SND1: variants seen among roughly 807,000 people sequenced by gnomAD.
SND1 encodes the protein staphylococcal nuclease domain-containing protein 1.
A neutral mutation model predicts 121.7 loss-of-function variants in SND1; 38 were observed. That is an observed-to-expected ratio of 0.31 (90% confidence interval 0.24 to 0.41). The LOEUF is 0.41. Ranked by LOEUF, SND1 falls within the 10% of genes least tolerant of loss-of-function variation. SND1 has a pLI of 1.00. For synonymous variants in SND1, 401 were observed against 447.4 expected (o/e 0.90, Z 1.31); for missense variants, 868 against 1,184.6 (o/e 0.73, Z 3.92).
intron 14 of SND1, among the ~76,000 whole-genome samples, chr7:127,928,755 A>T (rs1800901548): frequency 6.6e-6 from 1 of 151,612 alleles, no homozygotes; most frequent in Non-Finnish European, 1.5e-5. Context: ...TGCCCGGCTA[A>T]TTTTTTTCTA....
chr7:127,753,546 T>A (rs991246092), intron 10 of SND1, among the ~76,000 whole-genome samples: 5 of 152,162 alleles, frequency 3.3e-5, no homozygotes, highest in African/African-American at 1.2e-4. Flanking sequence ...TCTGTTCTTA[T>A]GGTTACATAA....
At chr7:127,789,473 G>A (rs1042220995) in intron 10 of SND1, among the ~76,000 whole-genome samples, 4 of 152,154 alleles carry the variant, frequency 2.6e-5, no homozygotes, top group Admixed American at 1.3e-4. Flanking sequence ...TAAAATTAGG[G>A]AATTTCATGT....
chr7:127,880,132 A>G (rs1231085318), intron 12 of SND1, among the ~76,000 whole-genome samples: 5 of 152,226 alleles, frequency 3.3e-5, no homozygotes, highest in East Asian at 1.9e-4. Context: ...AGCGTAGGCT[A>G]TGAATCATCG....
chr7:128,073,835 G>C (rs1012501896), intron 16 of SND1, among the ~76,000 whole-genome samples: 1 of 152,124 alleles, frequency 6.6e-6, no homozygotes, highest in Non-Finnish European at 1.5e-5. Flanking sequence ...CTGGGTCCTC[G>C]GGATGAGACA....
At chr7:127,854,056 A>G (rs868688992) in intron 12 of SND1, among the ~76,000 whole-genome samples, 1 of 152,142 alleles carries the variant, frequency 6.6e-6, no homozygotes, top group African/African-American at 2.4e-5. Context: ...AGGGTTTGCA[A>G]ACTTTCTGAT....
chr7:128,020,985 C>A (rs1328374152), intron 16 of SND1, among the ~76,000 whole-genome samples: 5 of 152,188 alleles, frequency 3.3e-5, no homozygotes, highest in African/African-American at 4.8e-5. Flanking sequence ...CTCCTCATTT[C>A]TAATGAAAAA....
intron 11 of SND1, among the ~76,000 whole-genome samples, chr7:127,831,103 T>C (rs997677471): frequency 6.6e-5 from 10 of 152,274 alleles, no homozygotes; most frequent in African/African-American, 2.4e-4. Flanking sequence ...GACTGTACTG[T>C]GTTGGTTAAG....
intron 14 of SND1, among the ~76,000 whole-genome samples, chr7:127,909,117 C>A (rs1389166397): frequency 1.3e-5 from 2 of 152,126 alleles, no homozygotes; most frequent in African/African-American, 4.8e-5. Context: ...TTGTGTCTGT[C>A]CTCTGTGCAT....
At chr7:128,030,213 A>C (rs1472195919) in intron 16 of SND1, 1 of 1,614,162 alleles carries the variant, frequency 6.2e-7, no homozygotes, top group Non-Finnish European at 8.5e-7. Context: ...CAGGTATTCA[A>C]AGGCCCCGCT....
At chr7:128,001,697 C>G (rs1019088282) in intron 16 of SND1, among the ~76,000 whole-genome samples, 1 of 152,124 alleles carries the variant, frequency 6.6e-6, no homozygotes, top group Non-Finnish European at 1.5e-5. Flanking sequence ...TTTGGGAGGC[C>G]AAGGTGGGCC....
chr7:128,030,270 C>G, intron 16 of SND1: 1 of 1,614,130 alleles, frequency 6.2e-7, no homozygotes, highest in Non-Finnish European at 8.5e-7. Context: ...GGTGTTGAGG[C>G]TGGCCAGGCC....
In SND1 at chr7:127,704,939, CAG is replaced by C; in HGVS notation, c.946_947del (p.Arg316ValfsTer19). The stretch of plus-strand genomic sequence containing the variant: ...CGGGGCGCAGAAAAGCTGAGGGCGG[CAG>C]AGAGGTAAGGTCTGTCCAAGAGGCC... On this transcript the variant is annotated frameshift_variant, in exon 8 of 24. Coordinates refer to ENST00000354725, the MANE Select transcript of SND1 (RefSeq NM_014390.4). LOFTEE classifies it high-confidence loss of function. 1 of 1,613,772 alleles carries C rather than the reference CAG, an allele frequency of 6.2e-7. No homozygotes were observed. The highest frequency in any genetic ancestry group is 8.5e-7 in the Non-Finnish European group (1 of 1,179,712).
intron 12 of SND1, among the ~76,000 whole-genome samples, chr7:127,845,238 C>G (rs1799037428): frequency 6.6e-6 from 1 of 152,206 alleles, no homozygotes; most frequent in African/African-American, 2.4e-5. Context: ...TATTGCAGGC[C>G]TCTGAAAGGA....
chr7:128,080,402 G>A lies in SND1; in HGVS notation c.1969-958G>A, dbSNP rs566156637. On this transcript the variant is annotated intron_variant, in intron 17 of 23. Coordinates refer to ENST00000354725, the MANE Select transcript of SND1 (RefSeq NM_014390.4). Reference sequence around the variant, plus strand: ...GAAGGAAGGGAGAGAGGGAAGGGTGGAGAGCGCATGGCCCAGCTTCTGGGC... The same window carrying A: ...GAAGGAAGGGAGAGAGGGAAGGGTGAAGAGCGCATGGCCCAGCTTCTGGGC... Among the ~76,000 whole-genome samples the A allele has an allele frequency of 3.3e-5, 5 of 152,382 alleles. No homozygotes were observed. In the East Asian group the frequency reaches 9.6e-4, roughly 29 times the overall value.
chr7:127,969,295 C>T (rs149424790), intron 15 of SND1, among the ~76,000 whole-genome samples: 206 of 152,260 alleles, frequency 1.4e-3, no homozygotes, highest in African/African-American at 4.3e-3. Context: ...AACCAGCTAG[C>T]CCGCTTTCTG....
chr7:128,075,780 T>C (rs1686435780), intron 17 of SND1, among the ~76,000 whole-genome samples: 1 of 152,148 alleles, frequency 6.6e-6, no homozygotes, highest in Non-Finnish European at 1.5e-5. Flanking sequence ...TCAGAGGAGA[T>C]TCCCACCTCC....
At chr7:128,000,687 A>AT (rs1188466595) in intron 16 of SND1, among the ~76,000 whole-genome samples, 1 of 152,120 alleles carries the variant, frequency 6.6e-6, no homozygotes, top group Non-Finnish European at 1.5e-5. Flanking sequence ...TTAATGTGGT[A>AT]TGTTTGGAGT....
At chr7:127,911,146 C>G (rs1800444276) in intron 14 of SND1, among the ~76,000 whole-genome samples, 1 of 152,240 alleles carries the variant, frequency 6.6e-6, no homozygotes, top group Middle Eastern at 3.4e-3. Flanking sequence ...AGCTATTGCT[C>G]TATTTCTTTC....
intron 10 of SND1, among the ~76,000 whole-genome samples, chr7:127,787,328 G>A (rs1797830795): frequency 6.6e-6 from 1 of 152,080 alleles, no homozygotes; most frequent in Admixed American, 6.5e-5. Flanking sequence ...TCAAATTGCT[G>A]GGCTCAAGCT....
Sources: gnomAD v4.1 joint callset for allele counts (sites outside exome capture counted in the v4.1 genomes callset) on GRCh38, gnomAD v4.1.1 for gene constraint, MANE v1.5 for transcripts, NCBI Gene and HGNC (gene_info 2026-07-23, HGNC 2026-07-21) for gene names.